The following SMYD3 variants were observed in gnomAD, a reference collection of about 807,000 sequenced individuals.
The protein encoded by SMYD3 is SET and MYND domain containing 3, also known as histone-lysine N-methyltransferase SMYD3.
Under a neutral mutation model 57.7 loss-of-function variants are expected in SMYD3, and 36 were observed. That is an observed-to-expected ratio of 0.62 (90% CI 0.48 to 0.82). SMYD3 has a LOEUF of 0.82. Ranked by LOEUF, SMYD3 falls within the 40% of genes least tolerant of loss-of-function variation. SMYD3 has a pLI of 0.00. For missense variants in SMYD3, 515 were observed against 538.8 expected (o/e 0.96, Z 0.44); for synonymous variants, 211 against 195.0 (o/e 1.08, Z -0.68).
chr1:245,903,336 C>T (rs563575429), intron 8 of SMYD3, among the ~76,000 whole-genome samples: 12 of 152,202 alleles, frequency 7.9e-5, no homozygotes, highest in East Asian at 7.7e-4. Context: ...AGTGACATAT[C>T]GGACATCATA....
chr1:246,263,173 G>A (rs1282521383), intron 5 of SMYD3, among the ~76,000 whole-genome samples: 1 of 152,158 alleles, frequency 6.6e-6, no homozygotes, highest in Admixed American at 6.5e-5. Context: ...TTACTTTGTA[G>A]TCAGACATGG....
intron 5 of SMYD3, among the ~76,000 whole-genome samples, chr1:246,258,563 G>A (rs1346285186): frequency 6.6e-6 from 1 of 152,136 alleles, no homozygotes; most frequent in Non-Finnish European, 1.5e-5. Context: ...CACTTTGCTT[G>A]TAAAGTTTCT....
intron 5 of SMYD3, among the ~76,000 whole-genome samples, chr1:245,962,893 A>G (rs925313418): frequency 6.6e-6 from 1 of 152,214 alleles, no homozygotes; most frequent in Non-Finnish European, 1.5e-5. Context: ...TAACTGTAAA[A>G]CAGTCAAGGG....
chr1:246,206,464 G>T (rs1460370805), intron 5 of SMYD3, among the ~76,000 whole-genome samples: 2 of 151,664 alleles, frequency 1.3e-5, no homozygotes, highest in African/African-American at 4.9e-5. Context: ...ATAGAGTTAG[G>T]GTCATATGGA....
At chr1:245,939,604 C>T (rs758243777) in intron 5 of SMYD3, among the ~76,000 whole-genome samples, 12 of 150,602 alleles carry the variant, frequency 8.0e-5, no homozygotes, top group African/African-American at 2.2e-4. Flanking sequence ...TCCAGCCTGG[C>T]GACAGAGCAA....
chr1:246,504,556 G>A (rs900975895), intron 1 of SMYD3, among the ~76,000 whole-genome samples: 4 of 152,162 alleles, frequency 2.6e-5, no homozygotes, highest in East Asian at 1.9e-4. Flanking sequence ...CCAAAATGTC[G>A]TTATGCAGTG....
intron 5 of SMYD3, among the ~76,000 whole-genome samples, chr1:245,959,463 G>C (rs921644106): frequency 4.6e-5 from 7 of 152,304 alleles, no homozygotes; most frequent in Non-Finnish European, 1.0e-4. Context: ...TTGGTTGTGT[G>C]ATTTTTGGTA....
intron 5 of SMYD3, among the ~76,000 whole-genome samples, chr1:245,965,552 T>G (rs2058119304): frequency 6.6e-6 from 1 of 152,158 alleles, no homozygotes; most frequent in Admixed American, 6.5e-5. Flanking sequence ...TATTCATCAC[T>G]AAACAGAGAT....
chr1:245,934,183 G>A (rs1444379895), intron 5 of SMYD3, among the ~76,000 whole-genome samples: 1 of 152,150 alleles, frequency 6.6e-6, no homozygotes, highest in Non-Finnish European at 1.5e-5. Context: ...TAACTAGAGG[G>A]ACTAAATATG....
chr1:245,790,476 T>C (rs2047222209), intron 10 of SMYD3, among the ~76,000 whole-genome samples: 1 of 152,188 alleles, frequency 6.6e-6, no homozygotes, highest in African/African-American at 2.4e-5. Context: ...TCGGCAAAGC[T>C]TTTCGAGGGC....
chr1:245,956,551 C>T (rs1177873247), intron 5 of SMYD3, among the ~76,000 whole-genome samples: 1 of 152,138 alleles, frequency 6.6e-6, no homozygotes, highest in Non-Finnish European at 1.5e-5. Flanking sequence ...ACTTTTGAGT[C>T]CTACAAACCA....
intron 5 of SMYD3, among the ~76,000 whole-genome samples, chr1:246,165,749 TAA>T (rs35960780): frequency 0.17 from 26,565 of 151,976 alleles, 3,081 homozygotes; most frequent in African/African-American, 0.31. Flanking sequence ...GTCTGATTAT[TAA>T]AGTTACTTAC....
intron 1 of SMYD3, among the ~76,000 whole-genome samples, chr1:246,487,992 C>A (rs2103066023): frequency 6.6e-6 from 1 of 152,272 alleles, no homozygotes; most frequent in Non-Finnish European, 1.5e-5. Flanking sequence ...CCACGCCTGG[C>A]CCTCCCTTTT....
At chr1:246,056,588 A>G (rs1320263028) in intron 5 of SMYD3, among the ~76,000 whole-genome samples, 2 of 152,064 alleles carry the variant, frequency 1.3e-5, no homozygotes, top group East Asian at 3.9e-4. Context: ...ACCTACATAC[A>G]TGAGGGGAAA....
chr1:246,158,261 G>T (rs113906350), intron 5 of SMYD3, among the ~76,000 whole-genome samples: 1 of 152,168 alleles, frequency 6.6e-6, no homozygotes, highest in Non-Finnish European at 1.5e-5. Context: ...GTTTGTAATT[G>T]ATGTATCTGA....
At chr1:245,984,414 T>C (rs1045256381) in intron 5 of SMYD3, among the ~76,000 whole-genome samples, 4 of 152,206 alleles carry the variant, frequency 2.6e-5, no homozygotes, top group African/African-American at 9.7e-5. Context: ...CAAATCTATT[T>C]GTGCCTGCGC....
chr1:246,310,226 T>C (rs1419515039), intron 5 of SMYD3, among the ~76,000 whole-genome samples: 1 of 149,984 alleles, frequency 6.7e-6, no homozygotes, highest in African/African-American at 2.5e-5. Flanking sequence ...CCTTTGATTC[T>C]TCATAGAGGA....
At chr1:245,840,526 AAT>A (rs1473013049) in intron 10 of SMYD3, among the ~76,000 whole-genome samples, 1 of 152,188 alleles carries the variant, frequency 6.6e-6, no homozygotes, top group African/African-American at 2.4e-5. Context: ...TAGAAATTTC[AAT>A]ATAGTGTTTG....
chr1:245,749,738 T>TCATGGGGTAAAG, intron 11 of SMYD3, 74 bp from the exon 12 acceptor site: 1 of 1,170,676 alleles, frequency 8.5e-7, no homozygotes, highest in Non-Finnish European at 1.3e-6. Context: ...CTTTACCCCA[T>TCATGGGGTAAAG]GATGCCAGGG....
Sources: gnomAD v4.1 joint callset for allele counts (sites outside exome capture counted in the v4.1 genomes callset) on GRCh38, gnomAD v4.1.1 for gene constraint, MANE v1.5 for transcripts, NCBI Gene and HGNC (gene_info 2026-07-23, HGNC 2026-07-21) for gene names.